The following TAF2 variants were observed in gnomAD, a reference collection of about 807,000 sequenced individuals.
TAF2 encodes the protein TATA-box binding protein associated factor 2, also known as transcription initiation factor TFIID subunit 2.
In TAF2, 61 loss-of-function variants were observed where a neutral mutation model predicts 138.5. That is an observed-to-expected ratio of 0.44 (90% CI 0.36 to 0.54). The LOEUF is 0.54. Ranked by LOEUF, TAF2 falls within the 20% of genes least tolerant of loss-of-function variation. The pLI, the probability that TAF2 is intolerant of heterozygous loss-of-function variation, is 0.00. For missense variants in TAF2, 1,090 were observed against 1,427.9 expected, an observed-to-expected ratio of 0.76 and a Z score of 3.81; for synonymous variants, 475 against 469.9, an observed-to-expected ratio of 1.01 and a Z score of -0.14.
At position 119,769,067 on chromosome 8, in the gene TAF2, C is replaced by T. The variant is rs540930136; in HGVS notation, c.2365-6459G>A. The stretch of plus-strand genomic sequence containing the variant: ...TCAGTGCATTTCACTAGGAGCTCCA[C>T]CAGCCACCCCCGTCAGGGCTGAAAC... On this transcript the variant is annotated intron_variant, in intron 18 of 25. Transcript: ENST00000378164. 1.6e-3 allele frequency among the ~76,000 whole-genome samples: 238 copies of T among 152,304 alleles called. 2 individuals carry two copies. Among genetic ancestry groups the T allele is most frequent in the African/African-American group, 4.9e-3 (202 of 41,558 alleles).
intron 6 of TAF2, among the ~76,000 whole-genome samples, chr8:119,799,949 T>G (rs1472144763): frequency 1.3e-5 from 2 of 152,248 alleles, no homozygotes; most frequent in Non-Finnish European, 2.9e-5. Flanking sequence ...ATAAATGTCT[T>G]CTTTTGAGAA....
chr8:119,795,652 T>G (rs368919090), intron 8 of TAF2, 21 bp from the exon 9 acceptor site: 17 of 1,602,328 alleles, frequency 1.1e-5, no homozygotes, highest in Non-Finnish European at 1.4e-5. Context: ...AGTCAAAGCA[T>G]AAATTACTTT....
rs150726067 is a variant in TAF2, at chr8:119,818,291, T to C, written c.299+1055A>G. 2.6e-3 allele frequency among the ~76,000 whole-genome samples: 391 copies of C among 152,342 alleles called. 3 individuals carry two copies. Among genetic ancestry groups the C allele is most frequent in the African/African-American group, 1.6e-3 (65 of 41,584 alleles). ...ACTGGCCTGTAGAACAAGTTCCCAG[T>C]TGATGCTGATGCTTGTCTGGGAATC... On this transcript the variant is annotated intron_variant, in intron 3 of 25. Coordinates refer to ENST00000378164, the MANE Select transcript of TAF2 (RefSeq NM_003184.4).
intron 25 of TAF2, among the ~76,000 whole-genome samples, chr8:119,737,190 A>G (rs1819278449): frequency 6.6e-6 from 1 of 152,230 alleles, no homozygotes; most frequent in Non-Finnish European, 1.5e-5. Context: ...AACGGCATTT[A>G]GAGTCAACTG....
intron 14 of TAF2, among the ~76,000 whole-genome samples, chr8:119,785,701 TAA>T (rs1244827142): frequency 2.6e-5 from 4 of 152,186 alleles, no homozygotes; most frequent in Admixed American, 1.3e-4. Context: ...TAAAATATCT[TAA>T]GAGTATTGAT....
intron 22 of TAF2, among the ~76,000 whole-genome samples, chr8:119,755,314 T>C (rs190274680): frequency 4.9e-4 from 75 of 152,252 alleles, no homozygotes; most frequent in African/African-American, 1.6e-3. Flanking sequence ...CTGGCCAACA[T>C]AGTGAAACTC....
intron 18 of TAF2, among the ~76,000 whole-genome samples, chr8:119,773,896 G>T (rs1411072508): frequency 6.6e-6 from 1 of 151,670 alleles, no homozygotes; most frequent in Admixed American, 6.7e-5. Context: ...TCTTGGCCAG[G>T]CGCGATGGCT....
chr8:119,804,254 C>T (rs1218926785), intron 4 of TAF2, among the ~76,000 whole-genome samples: 1 of 152,136 alleles, frequency 6.6e-6, no homozygotes, highest in Non-Finnish European at 1.5e-5. Flanking sequence ...GTATTATTTT[C>T]CCAAAATACA....
At chr8:119,822,458 A>C in intron 2 of TAF2, among the ~76,000 whole-genome samples, 1 of 152,110 alleles carries the variant, frequency 6.6e-6, no homozygotes. Flanking sequence ...TTCTGGCCTC[A>C]AGTGACCCTC....
In TAF2 at chr8:119,742,536, G is replaced by A. The variant is rs768975438; in HGVS notation, c.3335C>T (p.Thr1112Ile). The A allele has an allele frequency of 1.2e-6, 2 of 1,613,778 alleles. No individual in the cohort carries two copies. The highest frequency in any genetic ancestry group is 1.7e-6 in the Non-Finnish European group (2 of 1,179,868). Residue 1112 changes from threonine to isoleucine, a missense_variant and splice_region_variant, in exon 25 of 26, where the codon ACA becomes ATA. This residue lies in a region of TAF2 where 580 missense variants were observed against 719.6 expected (regional missense o/e 0.81). Transcript: ENST00000378164. ...QWSLELARKG[T>I]GKEQAPLEMS... ...TAATTCTGATTAATTATTTTTACCT[G>A]TTCCCTTCCGTGCAAGTTCCAAACT... is the stretch of plus-strand genomic sequence containing the variant.
At chr8:119,782,257 T>C (rs1822717154) in intron 16 of TAF2, among the ~76,000 whole-genome samples, 1 of 152,180 alleles carries the variant, frequency 6.6e-6, no homozygotes, top group Non-Finnish European at 1.5e-5. Flanking sequence ...TACAAAAGCA[T>C]ATCTTGCTTT....
intron 22 of TAF2, among the ~76,000 whole-genome samples, chr8:119,747,524 A>G (rs903441842): frequency 1.4e-4 from 21 of 152,166 alleles, no homozygotes; most frequent in African/African-American, 4.8e-4. Context: ...GACACACTAG[A>G]GGCAAGTTCT....
At chr8:119,767,617 T>A (rs1368510991) in intron 18 of TAF2, among the ~76,000 whole-genome samples, 1 of 152,210 alleles carries the variant, frequency 6.6e-6, no homozygotes, top group Non-Finnish European at 1.5e-5. Flanking sequence ...AGCAGTCAGG[T>A]GCCAGCTGCT....
At chr8:119,776,633 G>A (rs1233960570) in intron 18 of TAF2, among the ~76,000 whole-genome samples, 2 of 151,870 alleles carry the variant, frequency 1.3e-5, no homozygotes, top group South Asian at 2.1e-4. Context: ...AGCTTGCAGT[G>A]AGCCGAGATC....
Position 119,791,312 on chromosome 8 carries a change from T to C in TAF2, c.1413+12A>G. ...TATTTACCATTGTTAAGTTCTTAAC[T>C]TTAATACTTACTTGTAGCATAAATT... On this transcript the variant is annotated intron_variant, in intron 11 of 25. Transcript: ENST00000378164. 2.5e-6 allele frequency: 4 copies of C among 1,612,768 alleles called. No individual in the cohort carries two copies. Among genetic ancestry groups the C allele is most frequent in the Non-Finnish European group, 3.4e-6 (4 of 1,179,266 alleles).
chr8:119,824,560 G>A (rs999338975), intron 2 of TAF2, among the ~76,000 whole-genome samples: 1 of 152,226 alleles, frequency 6.6e-6, no homozygotes, highest in Non-Finnish European at 1.5e-5. Flanking sequence ...TGTCTCCAGG[G>A]CATGTCAGAG....
chr8:119,778,243 T>C, intron 17 of TAF2, 114 bp from the exon 18 acceptor site: 1 of 654,660 alleles, frequency 1.5e-6, no homozygotes, highest in Non-Finnish European at 2.7e-6. Flanking sequence ...GATATCTGGA[T>C]GGAGCCTAAC....
intron 6 of TAF2, among the ~76,000 whole-genome samples, chr8:119,798,459 A>G (rs1021411162): frequency 1.1e-4 from 17 of 152,218 alleles, no homozygotes; most frequent in Admixed American, 1.1e-3. Context: ...TCTGTGCCAA[A>G]TGAGTGCCAT....
chr8:119,831,533 C>T, intron 2 of TAF2, 144 bp downstream of exon 2: 1 of 556,856 alleles, frequency 1.8e-6, no homozygotes, highest in Non-Finnish European at 3.1e-6. Context: ...AACTTGTAAT[C>T]ATACAGACCC....
Sources: gnomAD v4.1 joint callset for allele counts (sites outside exome capture counted in the v4.1 genomes callset) on GRCh38, gnomAD v4.1.1 for gene constraint, gnomAD v4.1.1 regional missense constraint, MANE v1.5 for transcripts, NCBI Gene and HGNC (gene_info 2026-07-23, HGNC 2026-07-21) for gene names.